The following ZFYVE26 variants were observed in gnomAD, a reference collection of about 807,000 sequenced individuals.
ZFYVE26 encodes the protein zinc finger FYVE domain-containing protein 26.
In ZFYVE26, 181 loss-of-function variants were observed where a neutral mutation model predicts 276.5. That is an observed-to-expected ratio of 0.65 (90% confidence interval 0.58 to 0.74). The LOEUF (loss-of-function observed/expected upper bound fraction) is 0.74. Ranked by LOEUF, ZFYVE26 falls within the 30% of genes least tolerant of loss-of-function variation. The pLI, the probability that ZFYVE26 is intolerant of heterozygous loss-of-function variation, is 0.00. For synonymous variants in ZFYVE26, 1,129 were observed against 1,203.1 expected, an observed-to-expected ratio of 0.94 and a Z score of 1.27; for missense variants, 2,821 against 3,097.9, an observed-to-expected ratio of 0.91 and a Z score of 2.12.
chr14:67,784,408 G>T lies in ZFYVE26; in HGVS notation c.3552C>A (p.Pro1184=). The change falls in exon 20 of 42, where the codon CCC becomes CCA. Residue 1184 remains proline (P), a synonymous_variant. Coordinates refer to ENST00000347230, the MANE Select transcript of ZFYVE26 (RefSeq NM_015346.4). ...PDHVEVKVGN[P]FVLLQQSSSQ... ...AAGAGCTCTGTTGCAGCAGAACAAA[G>T]GGATTTCCTACCTTGACCTCCACAT... 6.2e-7 allele frequency: 1 copy of T among 1,614,078 alleles called. No homozygotes were observed. The highest frequency in any genetic ancestry group is 1.1e-5 in the South Asian group (1 of 91,072).
At chr14:67,765,657 C>T (rs369727454) in intron 32 of ZFYVE26, among the ~76,000 whole-genome samples, 3 of 152,134 alleles carry the variant, frequency 2.0e-5, no homozygotes, top group Non-Finnish European at 2.9e-5. Context: ...GAGTCAAAAC[C>T]GGTTGTACAG....
chr14:67,746,386 A>AG (rs1425498091), downstream of ZFYVE26: 13 of 152,164 alleles, frequency 8.5e-5, no homozygotes, highest in African/African-American at 2.9e-4. Flanking sequence ...CAAAGTCATT[A>AG]GTCATTATGG....
chr14:67,793,633 C>T lies in ZFYVE26; in HGVS notation c.2528G>A (p.Arg843His), dbSNP rs141304971. The T allele has an allele frequency of 4.6e-5, 74 of 1,613,520 alleles. No individual in the cohort carries two copies. The highest frequency in any genetic ancestry group is 7.7e-5 in the South Asian group (7 of 91,062). The change falls in exon 14 of 42, where the codon CGC becomes CAC. Residue 843 changes from arginine to histidine, a missense_variant. Coordinates refer to ENST00000347230, the MANE Select transcript of ZFYVE26 (RefSeq NM_015346.4). The part of the protein sequence containing the change: ...PESLLASCIL[R>H]GNFAEAHQVL... The stretch of plus-strand genomic sequence containing the variant: ...CTGATGGGCTTCTGCGAAGTTCCCG[C>T]GAAGGATGCAGGATGCCAGCAGTGA...
intron 13 of ZFYVE26, among the ~76,000 whole-genome samples, chr14:67,739,056 A>AT (rs1416568811): frequency 5.3e-5 from 8 of 152,142 alleles, no homozygotes; most frequent in Non-Finnish European, 1.2e-4. Context: ...TGCGGATCAC[A>AT]TTTTTTTGCA....
At chr14:67,768,889 C>T (rs1566872913) in intron 29 of ZFYVE26, among the ~76,000 whole-genome samples, 1 of 152,060 alleles carries the variant, frequency 6.6e-6, no homozygotes, top group Non-Finnish European at 1.5e-5. Context: ...CACAATAATG[C>T]TATGGAGGAG....
chr14:67,797,445 T>C, intron 12 of ZFYVE26: 1 of 594,242 alleles, frequency 1.7e-6, no homozygotes, highest in Non-Finnish European at 3.0e-6. Context: ...CAATATATAG[T>C]ATAATGCATG....
intron 5 of ZFYVE26, 117 bp from the exon 6 acceptor site, chr14:67,806,792 T>A: frequency 8.2e-7 from 1 of 1,223,054 alleles, no homozygotes; most frequent in Middle Eastern, 2.5e-4. Context: ...TAGGCTGGGT[T>A]TTCCATACTT....
chr14:67,741,545 C>T (rs934476228), downstream of ZFYVE26, among the ~76,000 whole-genome samples: 1 of 152,184 alleles, frequency 6.6e-6, no homozygotes, highest in Non-Finnish European at 1.5e-5. Flanking sequence ...CAGGCCCTAA[C>T]TAGCATCTAC....
At chr14:67,761,142 C>T (rs1003854010) in intron 35 of ZFYVE26, 1 of 667,602 alleles carries the variant, frequency 1.5e-6, no homozygotes, top group African/African-American at 1.8e-5. Flanking sequence ...TGAAACATGC[C>T]TTTGCTGGTG....
chr14:67,775,572 C>T (rs1234519971), intron 26 of ZFYVE26, among the ~76,000 whole-genome samples: 1 of 152,102 alleles, frequency 6.6e-6, no homozygotes, highest in Admixed American at 6.6e-5. Flanking sequence ...ACTGAAGAGC[C>T]CGCTATATCA....
chr14:67,797,525 A>G (rs995705998), intron 12 of ZFYVE26, 147 bp downstream of exon 12: 2 of 872,374 alleles, frequency 2.3e-6, no homozygotes, highest in Non-Finnish European at 3.7e-6. Flanking sequence ...ATAGGAAACT[A>G]TTAACAAGGG....
chr14:67,811,864 A>G (rs2040309048), intron 3 of ZFYVE26, among the ~76,000 whole-genome samples: 1 of 148,420 alleles, frequency 6.7e-6, no homozygotes, highest in Non-Finnish European at 1.5e-5. Flanking sequence ...AACATATATG[A>G]AATTTATGAT....
chr14:67,799,622 C>G (rs2040039110), intron 10 of ZFYVE26: 2 of 1,444,242 alleles, frequency 1.4e-6, no homozygotes, highest in African/African-American at 2.8e-5. Context: ...GAATTTTTCT[C>G]TTCAAAGGTC....
chr14:67,797,908 C>T, intron 11 of ZFYVE26, 106 bp downstream of exon 11: 1 of 1,597,470 alleles, frequency 6.3e-7, no homozygotes, highest in Non-Finnish European at 8.5e-7. Context: ...TGACGATATG[C>T]CCTGAGTTAT....
At chr14:67,755,920 G>A (rs1566863979) in intron 36 of ZFYVE26, 28 bp downstream of exon 36, 7 of 1,613,840 alleles carry the variant, frequency 4.3e-6, no homozygotes, top group Non-Finnish European at 2.5e-6. Flanking sequence ...AGCAACAGAG[G>A]TAGAAGGCAG....
chr14:67,789,561 CT>C lies in ZFYVE26; in HGVS notation c.2792del (p.Lys931SerfsTer19), dbSNP rs752905387. On this transcript the variant is annotated frameshift_variant, in exon 16 of 42. Transcript: ENST00000347230. LOFTEE classifies it high-confidence loss of function. ...VFYSISDVTD[K>X]LLNTSGDPIP... is the part of the protein sequence containing the mutation. ...TGGGGTCTCCAGAGGTGTTGAGCAG[CT>C]TGTCAGTCACGTCAGAGATAGAGTA... 2.5e-6 allele frequency: 4 copies of C among 1,614,032 alleles called. No individual in the cohort carries two copies. Among genetic ancestry groups the C allele is most frequent in the Non-Finnish European group, 3.4e-6 (4 of 1,180,046 alleles).
intron 13 of ZFYVE26, chr14:67,733,944 A>C: frequency 1.1e-6 from 1 of 896,374 alleles, no homozygotes; most frequent in South Asian, 1.4e-5. Context: ...CCTCTTGGCC[A>C]GCTGGTGCTG....
intron 12 of ZFYVE26, chr14:67,796,220 AT>A (rs71129861): frequency 4.5e-3 from 658 of 145,846 alleles, no homozygotes; most frequent in Non-Finnish European, 7.1e-3. Flanking sequence ...AGAAGAAAGG[AT>A]TTTTTTTTTT....
intron 41 of ZFYVE26, among the ~76,000 whole-genome samples, chr14:67,749,246 A>C (rs1329794194): frequency 1.3e-5 from 2 of 152,174 alleles, no homozygotes; most frequent in East Asian, 3.8e-4. Flanking sequence ...GCTGAATCTA[A>C]AGTTTTTTTT....
Sources: gnomAD v4.1 joint callset for allele counts (sites outside exome capture counted in the v4.1 genomes callset) on GRCh38, gnomAD v4.1.1 for gene constraint, MANE v1.5 for transcripts, NCBI Gene and HGNC (gene_info 2026-07-23, HGNC 2026-07-21) for gene names.